NRG1: variants seen among roughly 807,000 people sequenced by gnomAD.
The protein encoded by NRG1 is pro-neuregulin-1, membrane-bound isoform.
NRG1 carries 18 observed loss-of-function variants against 63.8 expected under a neutral mutation model. That is an observed-to-expected ratio of 0.28 (90% CI 0.19 to 0.42). The LOEUF is 0.42. Among genes scored for constraint, NRG1 ranks in the 10% least tolerant of loss-of-function variants. NRG1 has a pLI of 1.00. For synonymous variants in NRG1, 302 were observed against 301.3 expected, an observed-to-expected ratio of 1.00 and a Z score of -0.02; for missense variants, 762 against 814.7, an observed-to-expected ratio of 0.94 and a Z score of 0.79.
At chr8:32,509,212 C>T (rs1277138281) in intron 1 of NRG1, among the ~76,000 whole-genome samples, 1 of 151,882 alleles carries the variant, frequency 6.6e-6, no homozygotes, top group African/African-American at 2.4e-5. Context: ...AGGTGATCAG[C>T]CTCCTAGGTA....
intron 1 of NRG1, among the ~76,000 whole-genome samples, chr8:31,665,933 C>A (rs1033436876): frequency 6.6e-6 from 1 of 152,074 alleles, no homozygotes; most frequent in Non-Finnish European, 1.5e-5. Context: ...CTGGGGCCCC[C>A]GGATAATTTT....
intron 1 of NRG1, among the ~76,000 whole-genome samples, chr8:31,972,039 G>T (rs752460075): frequency 6.6e-6 from 1 of 152,068 alleles, no homozygotes; most frequent in Non-Finnish European, 1.5e-5. Context: ...TTTCTCGCAC[G>T]CATACACACA....
At chr8:31,739,700 G>A (rs184879319) in intron 1 of NRG1, among the ~76,000 whole-genome samples, 2 of 152,166 alleles carry the variant, frequency 1.3e-5, no homozygotes, top group African/African-American at 2.4e-5. Flanking sequence ...TTAATATTGT[G>A]TACTGCTTAC....
intron 1 of NRG1, among the ~76,000 whole-genome samples, chr8:32,131,551 A>G (rs1361890275): frequency 1.3e-5 from 2 of 152,032 alleles, no homozygotes; most frequent in Admixed American, 1.3e-4. Context: ...AATTACATCA[A>G]TATCCATGTT....
At chr8:31,697,495 A>G (rs1810193113) in intron 1 of NRG1, among the ~76,000 whole-genome samples, 1 of 152,142 alleles carries the variant, frequency 6.6e-6, no homozygotes, top group Non-Finnish European at 1.5e-5. Context: ...TCCCTATGCC[A>G]TCTATCCACC....
chr8:32,335,944 C>T (rs1803206596), intron 1 of NRG1, among the ~76,000 whole-genome samples: 1 of 151,992 alleles, frequency 6.6e-6, no homozygotes, highest in Non-Finnish European at 1.5e-5. Context: ...CTTTGTCCAC[C>T]ACATACATGC....
At chr8:32,138,751 A>C (rs931219070) in intron 1 of NRG1, among the ~76,000 whole-genome samples, 1 of 151,976 alleles carries the variant, frequency 6.6e-6, no homozygotes, top group East Asian at 1.9e-4. Flanking sequence ...TTTTTTTAGT[A>C]GAAACAGGGT....
At chr8:32,461,992 C>G (rs1212155675) in intron 1 of NRG1, among the ~76,000 whole-genome samples, 2 of 152,148 alleles carry the variant, frequency 1.3e-5, no homozygotes, top group Admixed American at 6.5e-5. Flanking sequence ...AAGCAAAACT[C>G]TGTTTGGCAC....
At chr8:32,413,151 C>T (rs1815354218) in intron 1 of NRG1, among the ~76,000 whole-genome samples, 1 of 152,152 alleles carries the variant, frequency 6.6e-6, no homozygotes, top group Non-Finnish European at 1.5e-5. Flanking sequence ...AAGTAATAAT[C>T]ATGGATGTAT....
intron 1 of NRG1, among the ~76,000 whole-genome samples, chr8:31,683,591 T>C (rs1242768451): frequency 6.6e-6 from 1 of 152,126 alleles, no homozygotes; most frequent in Non-Finnish European, 1.5e-5. Context: ...GCGGTGAAAC[T>C]ATTTTTTATG....
chr8:31,645,770 A>G (rs79807765), intron 1 of NRG1, among the ~76,000 whole-genome samples: 2,143 of 152,316 alleles, frequency 0.014, 58 homozygotes, highest in African/African-American at 0.05. Context: ...TGGACCTAGT[A>G]AAATTTATAC....
Position 32,539,992 on chromosome 8 carries a change from C to T in NRG1, c.38-55836C>T, listed in dbSNP as rs145765694. On this transcript the variant is annotated intron_variant, in intron 1 of 10. Coordinates refer to the NRG1 transcript ENST00000519301. The stretch of plus-strand genomic sequence containing the variant: ...AATTAGATTGGTGGAGAGTTGGAGA[C>T]GAGACAGAGTCCTTGAACTGATAAA... Among the ~76,000 whole-genome samples, 1,006 of 152,086 alleles carry T rather than the reference C, an allele frequency of 6.6e-3. 6 individuals carry two copies. The highest frequency in any genetic ancestry group is 0.022 in the African/African-American group (923 of 41,480).
chr8:32,450,681 G>A (rs983823499), intron 1 of NRG1, among the ~76,000 whole-genome samples: 4 of 152,038 alleles, frequency 2.6e-5, no homozygotes, highest in Non-Finnish European at 4.4e-5. Context: ...CTTCCAAAGC[G>A]CTGAGATTAT....
At chr8:31,985,016 A>G (rs766040306) in intron 1 of NRG1, among the ~76,000 whole-genome samples, 1 of 152,126 alleles carries the variant, frequency 6.6e-6, no homozygotes, top group Non-Finnish European at 1.5e-5. Flanking sequence ...CTGCAAGAAG[A>G]TGAAATAACT....
chr8:32,409,347 G>C (rs1814558646), intron 1 of NRG1, among the ~76,000 whole-genome samples: 2 of 152,272 alleles, frequency 1.3e-5, no homozygotes, highest in African/African-American at 4.8e-5. Flanking sequence ...GCCTAGGGAA[G>C]GAATTCATTA....
intron 1 of NRG1, among the ~76,000 whole-genome samples, chr8:31,982,950 G>A (rs1563646475): frequency 1.3e-5 from 2 of 152,200 alleles, no homozygotes; most frequent in East Asian, 3.9e-4. Flanking sequence ...TTAAAAGAAT[G>A]GAGAAGGGAT....
intron 1 of NRG1, among the ~76,000 whole-genome samples, chr8:32,498,536 C>T (rs1827490895): frequency 6.6e-6 from 1 of 152,134 alleles, no homozygotes; most frequent in African/African-American, 2.4e-5. Context: ...AACTCACTCA[C>T]TATCGTGAGA....
intron 5 of NRG1, among the ~76,000 whole-genome samples, chr8:32,637,779 G>A (rs938986560): frequency 6.6e-6 from 1 of 152,112 alleles, no homozygotes; most frequent in Non-Finnish European, 1.5e-5. Flanking sequence ...GTTGGGTTCT[G>A]GAGCACACAT....
intron 1 of NRG1, among the ~76,000 whole-genome samples, chr8:32,196,573 AT>A (rs1842969662): frequency 6.6e-6 from 1 of 152,302 alleles, no homozygotes; most frequent in African/African-American, 2.4e-5. Flanking sequence ...AAGCAGAAAT[AT>A]TTCCAGCAGA....
Sources: gnomAD v4.1 joint callset for allele counts (sites outside exome capture counted in the v4.1 genomes callset) on GRCh38, gnomAD v4.1.1 for gene constraint, MANE v1.5 for transcripts, NCBI Gene and HGNC (gene_info 2026-07-23, HGNC 2026-07-21) for gene names.